The following SGCZ variants were observed in gnomAD, a reference collection of about 807,000 sequenced individuals.
SGCZ encodes sarcoglycan zeta.
SGCZ carries 40 observed loss-of-function variants against 41.3 expected under a neutral mutation model. The ratio of observed to expected loss-of-function variants is 0.97; its 90% CI spans 0.75 to 1.26. The LOEUF (loss-of-function observed/expected upper bound fraction) is 1.26, where lower values mean the gene tolerates loss of function less well. Among genes scored for constraint, SGCZ ranks in the 50% most tolerant of loss-of-function variants. The pLI, the probability that SGCZ is intolerant of heterozygous loss-of-function variation, is 0.00. For synonymous variants in SGCZ, 206 were observed against 137.5 expected (o/e 1.50, Z -3.49); for missense variants, 552 against 369.8 (o/e 1.49, Z -4.04).
intron 4 of SGCZ, among the ~76,000 whole-genome samples, chr8:14,225,175 C>T (rs1249069306): frequency 1.3e-5 from 2 of 151,886 alleles, no homozygotes; most frequent in African/African-American, 4.8e-5. Flanking sequence ...TGATTTTAAC[C>T]AATGAAGATG....
chr8:14,567,278 C>G (rs940773806), intron 1 of SGCZ, among the ~76,000 whole-genome samples: 5 of 152,230 alleles, frequency 3.3e-5, no homozygotes, highest in Non-Finnish European at 7.3e-5. Flanking sequence ...GCGGGATCCA[C>G]TGGGTGAAGC....
chr8:14,237,007 A>T (rs1421815045), intron 4 of SGCZ, among the ~76,000 whole-genome samples: 1 of 152,108 alleles, frequency 6.6e-6, no homozygotes, highest in Non-Finnish European at 1.5e-5. Context: ...AAATGTTAAT[A>T]TTTATTATAC....
intron 5 of SGCZ, among the ~76,000 whole-genome samples, chr8:14,151,721 G>C (rs575093104): frequency 6.6e-6 from 1 of 152,010 alleles, no homozygotes; most frequent in Non-Finnish European, 1.5e-5. Context: ...CTATTATGTG[G>C]CTACAGTAAT....
intron 2 of SGCZ, among the ~76,000 whole-genome samples, chr8:14,528,739 T>C (rs1356883918): frequency 1.3e-5 from 2 of 151,618 alleles, no homozygotes; most frequent in African/African-American, 4.9e-5. Context: ...CCAATTTCTA[T>C]TTCTGGGCTG....
intron 1 of SGCZ, among the ~76,000 whole-genome samples, chr8:14,841,608 A>G (rs1011138047): frequency 5.9e-5 from 9 of 152,162 alleles, no homozygotes; most frequent in African/African-American, 2.2e-4. Flanking sequence ...TTCGGCGTTA[A>G]ACTAAGGAAT....
At chr8:14,890,438 C>T (rs75170892) in intron 1 of SGCZ, among the ~76,000 whole-genome samples, 7,559 of 152,248 alleles carry the variant, frequency 0.05, 532 homozygotes, top group African/African-American at 0.16. Flanking sequence ...AGCCCCAACA[C>T]TCCCCTAAGC....
At position 15,005,639 on chromosome 8, in the gene SGCZ, A is replaced by ATTT. The variant is rs10688133; in HGVS notation, c.39+231943_39+231945dup. Reference sequence around the variant, plus strand: ...GAGCCACTGCACCCGGCAATCCCCCATTTTTTTTCTTTTACCAGAGTCTCT... The same window carrying ATTT: ...GAGCCACTGCACCCGGCAATCCCCCATTTTTTTTTTTCTTTTACCAGAGTCTCT... On this transcript the variant is annotated intron_variant, in intron 1 of 7. Transcript: ENST00000382080. 4.3e-3 allele frequency among the ~76,000 whole-genome samples: 610 copies of ATTT among 143,248 alleles called. 6 individuals are homozygous for ATTT. The highest frequency in any genetic ancestry group is 6.1e-3 in the Admixed American group (85 of 13,838). 94.0% of individuals were successfully genotyped at this position (143,248 alleles called of 152,430 possible). A position where few individuals can be genotyped will look rare whatever the true frequency, so the allele number is the denominator to read the frequency against.
Position 14,835,061 on chromosome 8 carries a change from G to T in SGCZ, c.40-280135C>A, listed in dbSNP as rs1446356737. ...TTGTCTAAAATTAAAGATTCAAAAT[G>T]ATATAATTTCCTGTGAAATAGTTAG... On this transcript the variant is annotated intron_variant, in intron 1 of 7. Coordinates refer to ENST00000382080, the MANE Select transcript of SGCZ (RefSeq NM_139167.4). 2.0e-5 allele frequency among the ~76,000 whole-genome samples: 3 copies of T among 152,282 alleles called. No homozygotes were observed. The East Asian group carries it at 5.8e-4, about 29-fold the overall frequency.
chr8:15,128,043 G>A (rs768095897), intron 1 of SGCZ, among the ~76,000 whole-genome samples: 1 of 152,114 alleles, frequency 6.6e-6, no homozygotes, highest in African/African-American at 2.4e-5. Context: ...TATTATTCAG[G>A]CTGAAAATAA....
At chr8:14,680,226 G>A (rs561329831) in intron 1 of SGCZ, among the ~76,000 whole-genome samples, 41 of 152,214 alleles carry the variant, frequency 2.7e-4, no homozygotes, top group African/African-American at 9.6e-4. Context: ...GCAAAACATG[G>A]TGGAATTTTA....
intron 2 of SGCZ, among the ~76,000 whole-genome samples, chr8:14,389,788 T>C (rs1454180978): frequency 6.6e-6 from 1 of 151,958 alleles, no homozygotes; most frequent in East Asian, 1.9e-4. Flanking sequence ...TTAAAAAAAA[T>C]AACTATGACT....
At chr8:15,005,745 G>C (rs1289603460) in intron 1 of SGCZ, among the ~76,000 whole-genome samples, 2 of 151,740 alleles carry the variant, frequency 1.3e-5, no homozygotes, top group African/African-American at 4.8e-5. Flanking sequence ...TTGAACCTTA[G>C]CTGATATTTA....
rs1274452194 is a variant in SGCZ, at chr8:14,857,402, C to T, written c.40-302476G>A. ...TTTGCATGTGATTTGTATTACGATT[C>T]TTTTAGTTAATTTGCATTTTCCCAA... On this transcript the variant is annotated intron_variant, in intron 1 of 7. Coordinates refer to ENST00000382080, the MANE Select transcript of SGCZ (RefSeq NM_139167.4). 3.9e-5 allele frequency among the ~76,000 whole-genome samples: 6 copies of T among 152,100 alleles called. 1 individual carries two copies. In the East Asian group the frequency reaches 1.2e-3, roughly 29 times the overall value.
chr8:14,665,111 A>ATT (rs1807866681), intron 1 of SGCZ, among the ~76,000 whole-genome samples: 1 of 152,184 alleles, frequency 6.6e-6, no homozygotes, highest in Admixed American at 6.5e-5. Context: ...TGCTGCACCC[A>ATT]TTAACTCATC....
chr8:14,415,363 T>A (rs1422453718), intron 2 of SGCZ, among the ~76,000 whole-genome samples: 1 of 151,822 alleles, frequency 6.6e-6, no homozygotes, highest in Non-Finnish European at 1.5e-5. Flanking sequence ...CTGTAAAAAT[T>A]ATATGAAGAA....
intron 3 of SGCZ, among the ~76,000 whole-genome samples, chr8:14,311,224 T>A (rs1403556966): frequency 6.6e-6 from 1 of 152,140 alleles, no homozygotes; most frequent in East Asian, 1.9e-4. Context: ...TTTAAAATAT[T>A]GTCACTAGTA....
chr8:14,551,343 C>G (rs1436008467), intron 2 of SGCZ, among the ~76,000 whole-genome samples: 2 of 137,980 alleles, frequency 1.4e-5, no homozygotes, highest in Non-Finnish European at 1.5e-5. Flanking sequence ...AACTAAACCA[C>G]AAAGATGTTA....
intron 5 of SGCZ, among the ~76,000 whole-genome samples, chr8:14,149,492 A>T (rs1585179847): frequency 6.6e-6 from 1 of 152,208 alleles, no homozygotes; most frequent in East Asian, 1.9e-4. Context: ...GATGGAAACT[A>T]TAAAACACTG....
chr8:14,170,962 G>T (rs1804361210), intron 4 of SGCZ, among the ~76,000 whole-genome samples: 1 of 151,974 alleles, frequency 6.6e-6, no homozygotes, highest in Non-Finnish European at 1.5e-5. Context: ...AATAATCCTA[G>T]TGTCTTCTGG....
Sources: gnomAD v4.1 joint callset for allele counts (sites outside exome capture counted in the v4.1 genomes callset) on GRCh38, gnomAD v4.1.1 for gene constraint, MANE v1.5 for transcripts, NCBI Gene and HGNC (gene_info 2026-07-23, HGNC 2026-07-21) for gene names.